Variants in GATAD2A observed in about 807,000 individuals in gnomAD.
The protein encoded by GATAD2A is transcriptional repressor p66-alpha.
In GATAD2A, 12 loss-of-function variants were observed where a neutral mutation model predicts 68.5. The ratio of observed to expected loss-of-function variants is 0.18; its 90% CI spans 0.11 to 0.28. The LOEUF (loss-of-function observed/expected upper bound fraction) is 0.28, where lower values mean the gene tolerates loss of function less well. Among genes scored for constraint, GATAD2A ranks in the 10% least tolerant of loss-of-function variants. The pLI is 1.00. For synonymous variants in GATAD2A, 410 were observed against 375.3 expected (o/e 1.09, Z -1.07); for missense variants, 755 against 868.5 (o/e 0.87, Z 1.64).
upstream of GATAD2A, among the ~76,000 whole-genome samples, chr19:19,404,469 A>AG (rs2050012438): frequency 1.3e-5 from 2 of 152,080 alleles, no homozygotes; most frequent in African/African-American, 4.8e-5. Context: ...TCACGACATC[A>AG]GGAGATGGAG....
chr19:19,502,568 G>T (rs2060606715), intron 11 of GATAD2A, 42 bp downstream of exon 11: 1 of 1,488,094 alleles, frequency 6.7e-7, no homozygotes, highest in Non-Finnish European at 9.2e-7. Flanking sequence ...CCTGCCCATT[G>T]TGGGGTTCAC....
At chr19:19,497,418 C>T (rs1054091139) in intron 7 of GATAD2A, among the ~76,000 whole-genome samples, 1 of 152,218 alleles carries the variant, frequency 6.6e-6, no homozygotes, top group Non-Finnish European at 1.5e-5. Context: ...TTTATCCAGT[C>T]CTTTCTCTTG....
chr19:19,450,512 C>A (rs1308740398), intron 1 of GATAD2A, among the ~76,000 whole-genome samples: 1 of 152,060 alleles, frequency 6.6e-6, no homozygotes, highest in Admixed American at 6.6e-5. Context: ...GTGTGCTGCT[C>A]ATGTCTTTTT....
intron 1 of GATAD2A, among the ~76,000 whole-genome samples, chr19:19,462,530 CG>C (rs1568307930): frequency 6.6e-6 from 1 of 152,220 alleles, no homozygotes; most frequent in African/African-American, 2.4e-5. Context: ...CCGTCAGTGC[CG>C]GGCCTGGGAT....
intron 8 of GATAD2A, 130 bp from the exon 9 acceptor site, chr19:19,500,988 G>A (rs2060488195): frequency 1.3e-6 from 1 of 798,324 alleles, no homozygotes; most frequent in Non-Finnish European, 2.0e-6. Context: ...CATGTCATTG[G>A]TGCCCAGTAG....
intron 1 of GATAD2A, among the ~76,000 whole-genome samples, chr19:19,421,362 T>G (rs1568269775): frequency 6.6e-6 from 1 of 152,048 alleles, no homozygotes; most frequent in East Asian, 1.9e-4. Flanking sequence ...GCCCTGCCCC[T>G]CCTCACCCCT....
intron 11 of GATAD2A, among the ~76,000 whole-genome samples, chr19:19,503,691 G>A (rs2060696202): frequency 6.6e-6 from 1 of 151,714 alleles, no homozygotes. Context: ...TTGAAAGGGA[G>A]CATGAAGGCA....
chr19:19,501,061 AGGGCCCTGACTGTC>A, intron 8 of GATAD2A, 43 bp from the exon 9 acceptor site: 1 of 1,503,954 alleles, frequency 6.6e-7, no homozygotes, highest in African/African-American at 1.4e-5. Context: ...GGGGGCGGCC[AGGGCCCTGACTGTC>A]GTCCTGGCCC....
chr19:19,485,196 G>A (rs2050655782), intron 2 of GATAD2A, among the ~76,000 whole-genome samples: 1 of 152,180 alleles, frequency 6.6e-6, no homozygotes, highest in African/African-American at 2.4e-5. Context: ...TTTGTCCCAG[G>A]GTAGCATCTG....
chr19:19,439,942 G>A (rs2054809715), intron 1 of GATAD2A, among the ~76,000 whole-genome samples: 1 of 152,152 alleles, frequency 6.6e-6, no homozygotes, highest in African/African-American at 2.4e-5. Flanking sequence ...TCCGAAACAT[G>A]GTCAGAAATA....
At chr19:19,503,033 G>A (rs1318871599) in intron 11 of GATAD2A, among the ~76,000 whole-genome samples, 1 of 152,240 alleles carries the variant, frequency 6.6e-6, no homozygotes, top group African/African-American at 2.4e-5. Flanking sequence ...CGGAGACGGT[G>A]TTTGAAGAAC....
At chr19:19,412,606 T>G (rs188377224) in intron 1 of GATAD2A, among the ~76,000 whole-genome samples, 2 of 152,102 alleles carry the variant, frequency 1.3e-5, no homozygotes, top group African/African-American at 4.8e-5. Context: ...CACTCCAGCC[T>G]GGGCGACAGA....
chr19:19,483,850 G>A (rs567485081), intron 2 of GATAD2A, among the ~76,000 whole-genome samples: 4 of 146,528 alleles, frequency 2.7e-5, no homozygotes, highest in East Asian at 2.0e-4. Context: ...GGATGGTCTC[G>A]ATCTCTTGAC....
chr19:19,395,190 C>G (rs1040570752), intron 1 of GATAD2A, among the ~76,000 whole-genome samples: 3 of 152,222 alleles, frequency 2.0e-5, no homozygotes, highest in African/African-American at 7.2e-5. Flanking sequence ...CGCGGTGGCT[C>G]ACGCCTGTAA....
chr19:19,501,079 C>T, intron 8 of GATAD2A, 39 bp from the exon 9 acceptor site: 1 of 1,568,142 alleles, frequency 6.4e-7, no homozygotes, highest in Non-Finnish European at 8.7e-7. Flanking sequence ...GACTGTCGTC[C>T]TGGCCCTCTG....
intron 2 of GATAD2A, among the ~76,000 whole-genome samples, chr19:19,491,936 C>T (rs1196629230): frequency 2.0e-5 from 3 of 152,232 alleles, no homozygotes; most frequent in Non-Finnish European, 2.9e-5. Context: ...TAACACTGAG[C>T]AGGGCCCCAG....
chr19:19,420,639 C>T (rs1331469866), intron 1 of GATAD2A, among the ~76,000 whole-genome samples: 1 of 151,934 alleles, frequency 6.6e-6, no homozygotes, highest in Non-Finnish European at 1.5e-5. Flanking sequence ...CGCGACCAGC[C>T]CCATCTTGAC....
intron 1 of GATAD2A, among the ~76,000 whole-genome samples, chr19:19,424,760 A>G (rs899814420): frequency 3.3e-5 from 5 of 152,182 alleles, no homozygotes; most frequent in African/African-American, 1.2e-4. Flanking sequence ...TGGTGAAGGA[A>G]GCATCCTCAC....
intron 1 of GATAD2A, among the ~76,000 whole-genome samples, chr19:19,430,393 G>A (rs1459522517): frequency 6.6e-6 from 1 of 152,202 alleles, no homozygotes; most frequent in African/African-American, 2.4e-5. Context: ...AGCAAAGAGG[G>A]TCTGGGTGAC....
Sources: gnomAD v4.1 joint callset for allele counts (sites outside exome capture counted in the v4.1 genomes callset) on GRCh38, gnomAD v4.1.1 for gene constraint, MANE v1.5 for transcripts, NCBI Gene and HGNC (gene_info 2026-07-23, HGNC 2026-07-21) for gene names.